The following PCCA variants were observed in gnomAD, a reference collection of about 807,000 sequenced individuals.
PCCA encodes propionyl-CoA carboxylase subunit alpha.
Under a neutral mutation model 101.3 loss-of-function variants are expected in PCCA, and 74 were observed. The observed-to-expected ratio is 0.73, with a 90% CI of 0.61 to 0.89. The LOEUF is 0.89. PCCA is among the 40% of genes least tolerant of loss of function. The probability of loss-of-function intolerance (pLI) is 0.00; values close to 1 mark genes in which losing one functional copy is unlikely to be tolerated. For missense variants in PCCA, 891 were observed against 907.0 expected (o/e 0.98, Z 0.23); for synonymous variants, 294 against 313.6 (o/e 0.94, Z 0.66).
intron 12 of PCCA, among the ~76,000 whole-genome samples, chr13:100,276,448 A>G (rs1165087305): frequency 1.3e-5 from 2 of 152,138 alleles, no homozygotes; most frequent in African/African-American, 4.8e-5. Flanking sequence ...CATGGAATTC[A>G]TTGAATATTT....
chr13:100,259,436 G>A (rs1165591943), intron 9 of PCCA, among the ~76,000 whole-genome samples: 2 of 145,886 alleles, frequency 1.4e-5, no homozygotes, highest in Non-Finnish European at 3.0e-5. Context: ...CTGGGTTCAA[G>A]TGATTCTCCT....
At chr13:100,474,104 A>G (rs2083233221) in intron 21 of PCCA, among the ~76,000 whole-genome samples, 1 of 152,164 alleles carries the variant, frequency 6.6e-6, no homozygotes, top group African/African-American at 2.4e-5. Flanking sequence ...AATTGCTCAT[A>G]TTTGTTTTCT....
intron 7 of PCCA, among the ~76,000 whole-genome samples, chr13:100,213,801 T>C (rs1048096261): frequency 5.9e-5 from 9 of 152,206 alleles, no homozygotes; most frequent in African/African-American, 1.9e-4. Context: ...AAGAAATTTT[T>C]GCCCAGACCA....
intron 12 of PCCA, among the ~76,000 whole-genome samples, chr13:100,285,657 G>A (rs1281225150): frequency 6.6e-6 from 1 of 152,070 alleles, no homozygotes; most frequent in African/African-American, 2.4e-5. Flanking sequence ...CTCCTTGAAG[G>A]ACCCATGTTT....
At chr13:100,264,234 CTGTATATCAT>C (rs1566823587) in intron 10 of PCCA, among the ~76,000 whole-genome samples, 1 of 145,078 alleles carries the variant, frequency 6.9e-6, no homozygotes, top group Non-Finnish European at 1.5e-5. Context: ...TATGTGATAT[CTGTATATCAT>C]ATATATGTGA....
chr13:100,307,490 A>C (rs922309936), intron 15 of PCCA, among the ~76,000 whole-genome samples: 1 of 152,190 alleles, frequency 6.6e-6, no homozygotes, highest in Admixed American at 6.5e-5. Flanking sequence ...CATCACACAC[A>C]TGCATGAACA....
chr13:100,248,199 A>C (rs914117016), intron 8 of PCCA, among the ~76,000 whole-genome samples: 2 of 152,032 alleles, frequency 1.3e-5, no homozygotes, highest in Admixed American at 1.3e-4. Context: ...TATTGTATTT[A>C]AAATTATATT....
At chr13:100,422,112 T>TTC in intron 19 of PCCA, among the ~76,000 whole-genome samples, 4 of 145,446 alleles carry the variant, frequency 2.8e-5, no homozygotes, top group African/African-American at 7.9e-5. Context: ...CTTTCTTTCT[T>TTC]TCTTTCTTTT....
chr13:100,245,141 T>G (rs1031602862), intron 8 of PCCA, among the ~76,000 whole-genome samples: 1 of 152,192 alleles, frequency 6.6e-6, no homozygotes, highest in Admixed American at 6.5e-5. Flanking sequence ...TAAATATAAC[T>G]ATTTTGTGAT....
intron 19 of PCCA, among the ~76,000 whole-genome samples, chr13:100,406,062 A>G (rs1014231850): frequency 1.3e-5 from 2 of 151,812 alleles, no homozygotes; most frequent in African/African-American, 4.8e-5. Context: ...ACTGCGCCCC[A>G]CCAGAAAGTG....
chr13:100,119,609 C>G (rs1031438038), intron 4 of PCCA, among the ~76,000 whole-genome samples: 5 of 152,122 alleles, frequency 3.3e-5, no homozygotes, highest in African/African-American at 1.2e-4. Context: ...TTTTCGTTTA[C>G]TTTGAACCAC....
intron 21 of PCCA, among the ~76,000 whole-genome samples, chr13:100,489,169 G>A (rs1359488235): frequency 6.6e-5 from 10 of 152,074 alleles, no homozygotes; most frequent in East Asian, 3.9e-4. Flanking sequence ...TTAGCCAGGC[G>A]TGGTGGCGAG....
intron 21 of PCCA, among the ~76,000 whole-genome samples, chr13:100,488,633 GTT>G (rs1242466744): frequency 1.6e-5 from 1 of 62,598 alleles, no homozygotes; most frequent in Non-Finnish European, 3.1e-5. Context: ...TTTTTGTTTT[GTT>G]TTTTTTTTGT....
At chr13:100,325,330 A>T (rs140253922) in intron 16 of PCCA, among the ~76,000 whole-genome samples, 49 of 152,338 alleles carry the variant, frequency 3.2e-4, no homozygotes, top group Non-Finnish European at 2.5e-4. Context: ...AGGTGGAAGG[A>T]TATAAAGCTG....
intron 4 of PCCA, among the ~76,000 whole-genome samples, chr13:100,117,151 G>T (rs374472903): frequency 6.6e-6 from 1 of 152,148 alleles, no homozygotes; most frequent in East Asian, 1.9e-4. Flanking sequence ...TTAAGTGGTT[G>T]TGAAGCAGTA....
chr13:100,244,329 T>C (rs1215751919), intron 8 of PCCA, among the ~76,000 whole-genome samples: 2 of 152,180 alleles, frequency 1.3e-5, no homozygotes, highest in African/African-American at 4.8e-5. Context: ...TGTGGCTTTT[T>C]TTCTTCTTTC....
chr13:100,317,705 A>T (rs572003704), intron 16 of PCCA, among the ~76,000 whole-genome samples: 8 of 151,732 alleles, frequency 5.3e-5, no homozygotes, highest in African/African-American at 1.9e-4. Context: ...TCCCACCTCA[A>T]CCTCCCTGGT....
intron 19 of PCCA, among the ~76,000 whole-genome samples, chr13:100,399,198 TACTC>T (rs972119989): frequency 1.8e-4 from 28 of 152,282 alleles, no homozygotes; most frequent in African/African-American, 5.5e-4. Context: ...TTTTAAAAAT[TACTC>T]ACGTATTCAA....
chr13:100,471,256 T>G (rs2082987974), intron 21 of PCCA, among the ~76,000 whole-genome samples: 1 of 152,198 alleles, frequency 6.6e-6, no homozygotes, highest in Non-Finnish European at 1.5e-5. Flanking sequence ...TTTATTATAG[T>G]TTACCATCGT....
Sources: allele counts gnomAD v4.1 joint callset (sites outside exome capture counted in the v4.1 genomes callset), GRCh38; gene constraint gnomAD v4.1.1; transcripts MANE v1.5; gene names NCBI Gene and HGNC (gene_info 2026-07-23, HGNC 2026-07-21).